ZNF469: variants seen among roughly 807,000 people sequenced by gnomAD.
ZNF469 encodes the protein zinc finger protein 469.
A neutral mutation model predicts 1.0 loss-of-function variants in ZNF469; 1 was observed. The observed-to-expected ratio is 1.00, with a 90% confidence interval of 0.35 to 4.73. The LOEUF is 4.73. Ranked by LOEUF, ZNF469 falls within the 30% of genes most tolerant of loss-of-function variation. The pLI is 0.16. For missense variants in ZNF469, 6,100 were observed against 5,356.3 expected (o/e 1.14, Z -4.33); for synonymous variants, 2,703 against 2,363.4 (o/e 1.14, Z -4.17).
the ZNF469 span, among the ~76,000 whole-genome samples, chr16:88,278,917 G>A: frequency 6.6e-6 from 1 of 150,844 alleles, no homozygotes; most frequent in Admixed American, 6.6e-5. Flanking sequence ...CACGGTTAGT[G>A]CTGTGCCACG....
chr16:88,398,393 G>GA (rs1423469482), intron 1 of ZNF469, among the ~76,000 whole-genome samples: 2 of 123,916 alleles, frequency 1.6e-5, no homozygotes, highest in East Asian at 4.3e-4. Flanking sequence ...CGGATGAAGG[G>GA]ACATGTGAGC....
the ZNF469 span, among the ~76,000 whole-genome samples, chr16:88,285,187 C>T: frequency 1.3e-5 from 2 of 152,264 alleles, no homozygotes; most frequent in Non-Finnish European, 2.9e-5. Context: ...GCCAAAGGCC[C>T]GTGTGCCCGG....
the ZNF469 span, among the ~76,000 whole-genome samples, chr16:88,316,629 C>A: frequency 6.7e-6 from 1 of 149,548 alleles, no homozygotes; most frequent in Non-Finnish European, 1.5e-5. Context: ...TCACTGCAAC[C>A]TCCACCTCTG....
At chr16:88,380,233 G>A (rs1443650467), upstream of ZNF469, among the ~76,000 whole-genome samples, 5 of 126,154 alleles carry the variant, frequency 4.0e-5, no homozygotes, top group African/African-American at 1.5e-4. Context: ...TCACAGACAT[G>A]CACTCACACA....
the ZNF469 span, among the ~76,000 whole-genome samples, chr16:88,201,035 C>T: frequency 8.7e-4 from 132 of 152,346 alleles, no homozygotes; most frequent in African/African-American, 2.9e-3. This position sits in a 1 kb window ranked among gnomAD's most constrained non-coding sequence, Gnocchi z 5.0. Context: ...ATCAAGCGGG[C>T]TGGAGCCAGA....
the ZNF469 span, among the ~76,000 whole-genome samples, chr16:88,328,045 C>T: frequency 2.6e-5 from 4 of 152,324 alleles, no homozygotes; most frequent in Non-Finnish European, 4.4e-5. Flanking sequence ...GCACACACGG[C>T]GACTCCCACA....
chr16:88,308,313 C>T, the ZNF469 span, among the ~76,000 whole-genome samples: 2 of 152,278 alleles, frequency 1.3e-5, no homozygotes, highest in East Asian at 3.9e-4. Flanking sequence ...TATTCTGAGT[C>T]CCTTACATTT....
At chr16:88,184,004 C>T in the ZNF469 span, among the ~76,000 whole-genome samples, 2 of 151,974 alleles carry the variant, frequency 1.3e-5, no homozygotes, top group Non-Finnish European at 2.9e-5. Flanking sequence ...CTGTTCCTAC[C>T]GGGAAGGAGG....
intron 1 of ZNF469, among the ~76,000 whole-genome samples, chr16:88,384,695 G>A (rs2092533451): frequency 6.6e-6 from 1 of 152,228 alleles, no homozygotes; most frequent in Non-Finnish European, 1.5e-5. Context: ...GTCTCAGCTT[G>A]GGAGGCACAG....
At chr16:88,216,402 G>C in the ZNF469 span, among the ~76,000 whole-genome samples, 1 of 151,630 alleles carries the variant, frequency 6.6e-6, no homozygotes, top group African/African-American at 2.4e-5. Context: ...GCTGAGGCAG[G>C]AGAATTGCGT....
rs149370228 is a variant in ZNF469 at position 88,416,905 on chromosome 16, G to A, written c.-191-7902G>A. ...GAGCCTGAGCAGGGGCCTGTCCTGC[G>A]GTCGGCGTCTACCCCAGGGCCTGGG... is the stretch of plus-strand genomic sequence containing the variant. On this transcript the variant is annotated intron_variant, in intron 1 of 2. Coordinates refer to ENST00000565624, the MANE Select transcript of ZNF469 (RefSeq NM_001367624.2). 2.7e-3 allele frequency among the ~76,000 whole-genome samples: 407 copies of A among 152,266 alleles called. 3 individuals are homozygous for A. Among genetic ancestry groups the A allele is most frequent in the African/African-American group, 9.5e-3 (395 of 41,578 alleles).
At chr16:88,101,582 A>G in the ZNF469 span, among the ~76,000 whole-genome samples, 2 of 149,350 alleles carry the variant, frequency 1.3e-5, no homozygotes, top group Non-Finnish European at 3.0e-5. Flanking sequence ...CAAAGTGTGG[A>G]GGCAGAAGGG....
At position 88,434,642 on chromosome 16, in the gene ZNF469, C is replaced by T. The variant is rs1456883153; in HGVS notation, c.7172C>T (p.Thr2391Ile). 1.3e-6 allele frequency: 2 copies of T among 1,550,284 alleles called. No homozygotes were observed. Among genetic ancestry groups the T allele is most frequent in the Admixed American group, 3.9e-5 (2 of 50,992 alleles). Residue 2391 changes from threonine to isoleucine, a missense_variant, in exon 3 of 3, where the codon ACC (threonine) becomes ATC (isoleucine). Transcript: ENST00000565624. ...CCTGAGACCGGGCGCTCTGGTGCTACCAAGATGCCCAGGGTCACCTGCCCT... is the reference window on the plus strand; with the variant it reads ...CCTGAGACCGGGCGCTCTGGTGCTATCAAGATGCCCAGGGTCACCTGCCCT... ...GTPETGRSGA[T>I]KMPRVTCPST...
chr16:88,114,559 G>T, the ZNF469 span, among the ~76,000 whole-genome samples: 1 of 152,338 alleles, frequency 6.6e-6, no homozygotes, highest in East Asian at 1.9e-4. Context: ...GCGGTGCCCA[G>T]CTGACTTCCC....
chr16:88,430,802 T>C lies in ZNF469; in HGVS notation c.3332T>C (p.Phe1111Ser), dbSNP rs765069829. The C allele has an allele frequency of 1.6e-5, 24 of 1,528,302 alleles. No individual in the cohort carries two copies. Among genetic ancestry groups the C allele is most frequent in the Admixed American group, 6.0e-5 (3 of 49,742 alleles). 94.7% of individuals were successfully genotyped at this position (1,528,302 alleles called of 1,614,324 possible). A position where few individuals can be genotyped will look rare whatever the true frequency, so the allele number is the denominator to read the frequency against. The change falls in exon 3 of 3, where the codon TTC becomes TCC. Residue 1111 changes from phenylalanine (F) to serine (S), a missense_variant. Transcript: ENST00000565624. ...DEQPPPRGPGFRGRRGRGEKR... is the reference protein window; with the variant it reads ...DEQPPPRGPGSRGRRGRGEKR... ...CAGCCTCCGCCGCGGGGCCCCGGCT[T>C]CAGAGGCCGGCGGGGCCGAGGCGAG...
the ZNF469 span, among the ~76,000 whole-genome samples, chr16:88,319,126 G>A: frequency 5.3e-5 from 8 of 152,100 alleles, no homozygotes; most frequent in African/African-American, 1.4e-4. Context: ...TCCCATGACC[G>A]GCCACTGTCC....
At chr16:88,249,720 G>C in the ZNF469 span, among the ~76,000 whole-genome samples, 2 of 152,306 alleles carry the variant, frequency 1.3e-5, no homozygotes, top group East Asian at 3.9e-4. Context: ...ACAGGCGTGA[G>C]CCACCACGCC....
At chr16:88,383,956 G>T (rs2092531740) in intron 1 of ZNF469, among the ~76,000 whole-genome samples, 1 of 152,206 alleles carries the variant, frequency 6.6e-6, no homozygotes, top group Non-Finnish European at 1.5e-5. Context: ...AGGCCAATGG[G>T]GCTCGGGGGA....
intron 1 of ZNF469, among the ~76,000 whole-genome samples, chr16:88,406,654 C>T (rs1264863241): frequency 6.6e-6 from 1 of 152,224 alleles, no homozygotes; most frequent in Non-Finnish European, 1.5e-5. Flanking sequence ...CAGCCCCTGC[C>T]TCCGAGGGCC....
Sources: gnomAD v4.1 joint callset for allele counts (sites outside exome capture counted in the v4.1 genomes callset) on GRCh38, gnomAD v4.1.1 for gene constraint, Gnocchi (gnomAD v3.1) non-coding constraint, MANE v1.5 for transcripts, NCBI Gene and HGNC (gene_info 2026-07-23, HGNC 2026-07-21) for gene names.